Variants in MAMDC2 observed in about 807,000 individuals in gnomAD.
MAMDC2 encodes the protein MAM domain-containing protein 2.
In MAMDC2, 57 loss-of-function variants were observed where a neutral mutation model predicts 89.8. The observed-to-expected ratio is 0.63, with a 90% CI of 0.51 to 0.79. The LOEUF is 0.79. Ranked by LOEUF, MAMDC2 falls within the 30% of genes least tolerant of loss-of-function variation. The pLI is 0.00. For synonymous variants in MAMDC2, 313 were observed against 293.4 expected, an observed-to-expected ratio of 1.07 and a Z score of -0.68; for missense variants, 800 against 820.6, an observed-to-expected ratio of 0.97 and a Z score of 0.31.
chr9:70,051,877 C>CTAGA (rs34400323), intron 2 of MAMDC2, among the ~76,000 whole-genome samples: 11,222 of 144,186 alleles, frequency 0.078, 496 homozygotes, highest in African/African-American at 0.1. Flanking sequence ...ATTTACCTAT[C>CTAGA]TAGATAGATA....
intron 2 of MAMDC2, among the ~76,000 whole-genome samples, chr9:70,066,523 G>T (rs543388538): frequency 1.3e-5 from 2 of 152,202 alleles, no homozygotes; most frequent in East Asian, 3.9e-4. Flanking sequence ...GGGGAGGTAG[G>T]GGGGCAGCTA....
intron 11 of MAMDC2, among the ~76,000 whole-genome samples, chr9:70,179,241 G>T (rs960517704): frequency 6.6e-6 from 1 of 152,068 alleles, no homozygotes; most frequent in African/African-American, 2.4e-5. Flanking sequence ...GGCCGGGCAT[G>T]GTGGCTCACG....
intron 2 of MAMDC2, among the ~76,000 whole-genome samples, chr9:70,084,147 T>C (rs1174883241): frequency 3.3e-5 from 5 of 152,122 alleles, no homozygotes; most frequent in Non-Finnish European, 7.4e-5. Flanking sequence ...TCAAAGTATA[T>C]ACTGTGAGGT....
chr9:70,207,173 T>C (rs2033243912), intron 11 of MAMDC2, among the ~76,000 whole-genome samples: 1 of 152,244 alleles, frequency 6.6e-6, no homozygotes, highest in South Asian at 2.1e-4. Context: ...TCAAATGGTA[T>C]TTCTAGTTCT....
chr9:70,140,372 A>G (rs1367102083), intron 8 of MAMDC2, 84 bp downstream of exon 8: 2 of 1,401,914 alleles, frequency 1.4e-6, no homozygotes, highest in Non-Finnish European at 9.6e-7. Flanking sequence ...CTGCAAAGAC[A>G]TCGACTTAAA....
At chr9:70,107,608 T>G (rs1296573486) in intron 2 of MAMDC2, among the ~76,000 whole-genome samples, 1 of 152,202 alleles carries the variant, frequency 6.6e-6, no homozygotes. Flanking sequence ...GAAGTCTTAT[T>G]CCTAATTTAA....
chr9:70,150,069 G>T (rs1488613557), intron 9 of MAMDC2, among the ~76,000 whole-genome samples: 1 of 152,146 alleles, frequency 6.6e-6, no homozygotes, highest in Non-Finnish European at 1.5e-5. Flanking sequence ...TCAGAAAGCT[G>T]GAGTCAGATC....
At chr9:70,061,514 T>C (rs1827150465) in intron 2 of MAMDC2, among the ~76,000 whole-genome samples, 1 of 152,170 alleles carries the variant, frequency 6.6e-6, no homozygotes, top group Admixed American at 6.5e-5. Context: ...CTTCCTTCTC[T>C]TCATCCCCTG....
intron 5 of MAMDC2, among the ~76,000 whole-genome samples, chr9:70,114,496 C>T (rs2029883651): frequency 6.6e-6 from 1 of 151,766 alleles, no homozygotes; most frequent in African/African-American, 2.4e-5. Flanking sequence ...CCGGTCAGGC[C>T]CTGTTGGCCA....
At chr9:70,091,629 G>A (rs2118178513) in intron 2 of MAMDC2, among the ~76,000 whole-genome samples, 1 of 152,288 alleles carries the variant, frequency 6.6e-6, no homozygotes, top group African/African-American at 2.4e-5. Flanking sequence ...GAATCTGGCT[G>A]CTTGTTAGGC....
chr9:70,079,752 G>A (rs1385205123), intron 2 of MAMDC2, among the ~76,000 whole-genome samples: 1 of 152,198 alleles, frequency 6.6e-6, no homozygotes, highest in African/African-American at 2.4e-5. Flanking sequence ...GAATGGGTGA[G>A]TTTCAGAGGA....
At chr9:70,081,316 C>T (rs1457449492) in intron 2 of MAMDC2, among the ~76,000 whole-genome samples, 4 of 152,060 alleles carry the variant, frequency 2.6e-5, no homozygotes, top group East Asian at 1.9e-4. Flanking sequence ...CCACAAGAAC[C>T]GTCCTGGAGG....
At chr9:70,162,825 C>T (rs1444042969) in intron 9 of MAMDC2, among the ~76,000 whole-genome samples, 2 of 151,338 alleles carry the variant, frequency 1.3e-5, no homozygotes, top group East Asian at 2.0e-4. Flanking sequence ...CTTTGACAGG[C>T]CTAGGGGCAG....
intron 11 of MAMDC2, among the ~76,000 whole-genome samples, chr9:70,199,033 T>G (rs2033037618): frequency 7.0e-6 from 1 of 143,010 alleles, no homozygotes; most frequent in African/African-American, 2.6e-5. Flanking sequence ...CTTCAATCTT[T>G]CCATAGCTTA....
chr9:70,146,126 C>T (rs1389251561), intron 9 of MAMDC2, among the ~76,000 whole-genome samples: 1 of 152,176 alleles, frequency 6.6e-6, no homozygotes, highest in Non-Finnish European at 1.5e-5. Flanking sequence ...AGGAATCTGC[C>T]CATTCCTTTA....
At chr9:70,075,698 CT>C (rs1827514177) in intron 2 of MAMDC2, among the ~76,000 whole-genome samples, 1 of 152,208 alleles carries the variant, frequency 6.6e-6, no homozygotes, top group Non-Finnish European at 1.5e-5. Context: ...AGCAGTCCCA[CT>C]TCCAGAAATC....
At chr9:70,128,995 T>C (rs2030682006) in intron 6 of MAMDC2, among the ~76,000 whole-genome samples, 1 of 152,180 alleles carries the variant, frequency 6.6e-6, no homozygotes, top group Non-Finnish European at 1.5e-5. Flanking sequence ...TCAGAGCTTG[T>C]TATGTGCCTG....
chr9:70,145,393 ATC>A (rs1226663030), intron 9 of MAMDC2, among the ~76,000 whole-genome samples: 1 of 152,216 alleles, frequency 6.6e-6, no homozygotes, highest in African/African-American at 2.4e-5. Flanking sequence ...TATAAATGTC[ATC>A]TTATAGATGG....
chr9:70,081,600 A>G (rs1365944534), intron 2 of MAMDC2: 4 of 152,130 alleles, frequency 2.6e-5, no homozygotes, highest in Admixed American at 2.6e-4. Context: ...CAACACAAGT[A>G]AAATTAGGGG....
Sources: gnomAD v4.1 joint callset for allele counts (sites outside exome capture counted in the v4.1 genomes callset) on GRCh38, gnomAD v4.1.1 for gene constraint, MANE v1.5 for transcripts, NCBI Gene and HGNC (gene_info 2026-07-23, HGNC 2026-07-21) for gene names.